C1QTNF3: variants seen among roughly 807,000 people sequenced by gnomAD.
C1QTNF3 encodes complement C1q tumor necrosis factor-related protein 3.
In C1QTNF3, 26 loss-of-function variants were observed where a neutral mutation model predicts 32.6. The ratio of observed to expected loss-of-function variants is 0.80; its 90% confidence interval spans 0.58 to 1.11. The LOEUF (loss-of-function observed/expected upper bound fraction) is 1.11. Among genes scored for constraint, C1QTNF3 ranks in the 50% least tolerant of loss-of-function variants. The pLI, the probability that C1QTNF3 is intolerant of heterozygous loss-of-function variation, is 0.00. For missense variants in C1QTNF3, 362 were observed against 398.2 expected, an observed-to-expected ratio of 0.91 and a Z score of 0.77; for synonymous variants, 155 against 146.0, an observed-to-expected ratio of 1.06 and a Z score of -0.44.
At chr5:34,203,539 A>G in the C1QTNF3 span, among the ~76,000 whole-genome samples, 1 of 151,710 alleles carries the variant, frequency 6.6e-6, no homozygotes, top group Non-Finnish European at 1.5e-5. Context: ...TACAAAAATT[A>G]GCCAGGCGTG....
the C1QTNF3 span, among the ~76,000 whole-genome samples, chr5:34,198,043 G>A: frequency 7.2e-6 from 1 of 139,126 alleles, no homozygotes; most frequent in African/African-American, 2.9e-5. Flanking sequence ...AGACCAGCCT[G>A]GCCAGTATGG....
the C1QTNF3 span, among the ~76,000 whole-genome samples, chr5:34,170,162 T>C: frequency 3.9e-5 from 6 of 152,150 alleles, no homozygotes; most frequent in East Asian, 1.2e-3. Flanking sequence ...GATCTTATGC[T>C]AAGTGAAATA....
chr5:34,052,588 G>C, the C1QTNF3 span, among the ~76,000 whole-genome samples: 1 of 152,154 alleles, frequency 6.6e-6, no homozygotes. Flanking sequence ...TCCTTTCTAA[G>C]TCTCAGTTTC....
At chr5:34,147,144 AAATAAT>A in the C1QTNF3 span, among the ~76,000 whole-genome samples, 1 of 151,908 alleles carries the variant, frequency 6.6e-6, no homozygotes, top group Non-Finnish European at 1.5e-5. Context: ...AAAGTAAAAA[AAATAAT>A]AATAATAACA....
the C1QTNF3 span, among the ~76,000 whole-genome samples, chr5:34,087,447 T>TTTTA: frequency 6.6e-6 from 1 of 152,216 alleles, no homozygotes; most frequent in African/African-American, 2.4e-5. Flanking sequence ...TAAGATTGTA[T>TTTTA]GCTCACTCAA....
At position 34,028,786 on chromosome 5, in the gene C1QTNF3, A is replaced by T; in HGVS notation, c.668T>A (p.Val223Asp). 1 of 1,611,122 alleles carries T rather than the reference A, an allele frequency of 6.2e-7. No homozygotes were observed. Among genetic ancestry groups the T allele is most frequent in the Non-Finnish European group, 8.5e-7 (1 of 1,178,472 alleles). The change falls in exon 4 of 6, where the codon GTC (valine) becomes GAC (aspartate). Residue 223 changes from valine to aspartate, a missense_variant. Transcript: ENST00000382065. ...TGGGGCCCCAAATCTACCAGTCATG[A>T]CATCAAAGAAGTTTCCAATGTTGGT... ...VETNIGNFFD[V>D]MTGRFGAPVS...
At chr5:34,053,415 T>G in the C1QTNF3 span, among the ~76,000 whole-genome samples, 1 of 152,236 alleles carries the variant, frequency 6.6e-6, no homozygotes. Flanking sequence ...CACCGAACCA[T>G]GTCCCATTGG....
chr5:34,162,789 C>A, the C1QTNF3 span, among the ~76,000 whole-genome samples: 1 of 152,094 alleles, frequency 6.6e-6, no homozygotes, highest in Non-Finnish European at 1.5e-5. Flanking sequence ...GAATTTTAAT[C>A]AAATTATAAA....
chr5:34,201,072 C>T, the C1QTNF3 span, among the ~76,000 whole-genome samples: 2 of 152,030 alleles, frequency 1.3e-5, no homozygotes, highest in African/African-American at 4.8e-5. Context: ...TGATGCTAAG[C>T]TCCGTAATGT....
chr5:34,121,164 A>C, the C1QTNF3 span, among the ~76,000 whole-genome samples: 8 of 152,160 alleles, frequency 5.3e-5, no homozygotes, highest in Non-Finnish European at 8.8e-5. Context: ...AAAGGAGGCA[A>C]ATTCATGAGA....
the C1QTNF3 span, among the ~76,000 whole-genome samples, chr5:34,049,381 G>A: frequency 6.6e-6 from 1 of 152,132 alleles, no homozygotes; most frequent in East Asian, 1.9e-4. Flanking sequence ...CCTTCCCCAG[G>A]GCTAGTCTGC....
At chr5:34,133,621 C>T in the C1QTNF3 span, among the ~76,000 whole-genome samples, 2 of 152,118 alleles carry the variant, frequency 1.3e-5, no homozygotes, top group South Asian at 2.1e-4. Flanking sequence ...TAAAAGGAAA[C>T]GAAGAGGCAT....
At chr5:34,085,056 TCTCGG>T in the C1QTNF3 span, among the ~76,000 whole-genome samples, 1 of 136,018 alleles carries the variant, frequency 7.4e-6, no homozygotes, top group Non-Finnish European at 1.5e-5. Context: ...AGTGGTGCAA[TCTCGG>T]CTCACTGCAA....
chr5:34,180,545 C>T, the C1QTNF3 span, among the ~76,000 whole-genome samples: 3 of 152,332 alleles, frequency 2.0e-5, no homozygotes, highest in African/African-American at 7.2e-5. Flanking sequence ...AGAAATGTTG[C>T]GAATGGAAAT....
chr5:34,050,159 C>T, the C1QTNF3 span, among the ~76,000 whole-genome samples: 1 of 152,294 alleles, frequency 6.6e-6, no homozygotes, highest in East Asian at 1.9e-4. Flanking sequence ...TTGAATGAAG[C>T]TGCAGAGATC....
At chr5:34,081,172 G>A in the C1QTNF3 span, among the ~76,000 whole-genome samples, 1 of 151,692 alleles carries the variant, frequency 6.6e-6, no homozygotes, top group Non-Finnish European at 1.5e-5. Flanking sequence ...CTTATATACA[G>A]TAGGCGCAGT....
At chr5:34,163,101 C>T in the C1QTNF3 span, among the ~76,000 whole-genome samples, 40 of 152,258 alleles carry the variant, frequency 2.6e-4, no homozygotes, top group East Asian at 7.7e-3. Context: ...ATTACATTGG[C>T]AGCTTCTGTG....
chr5:34,092,803 A>T, the C1QTNF3 span, among the ~76,000 whole-genome samples: 4 of 151,884 alleles, frequency 2.6e-5, no homozygotes, highest in Admixed American at 1.3e-4. Context: ...ATTTACTTTC[A>T]TGTCACACTT....
the C1QTNF3 span, among the ~76,000 whole-genome samples, chr5:34,146,279 C>G: frequency 1.3e-5 from 2 of 152,076 alleles, no homozygotes; most frequent in Non-Finnish European, 2.9e-5. Flanking sequence ...CCATAATGCC[C>G]AAAGCAATTT....
Sources: allele counts gnomAD v4.1 joint callset (sites outside exome capture counted in the v4.1 genomes callset), GRCh38; gene constraint gnomAD v4.1.1; transcripts MANE v1.5; gene names NCBI Gene and HGNC (gene_info 2026-07-23, HGNC 2026-07-21).